Variants in ST3GAL1 observed in about 807,000 individuals in gnomAD.
ST3GAL1 encodes CMP-N-acetylneuraminate-beta-galactosamide-alpha-2,3-sialyltransferase 1.
A neutral mutation model predicts 34.1 loss-of-function variants in ST3GAL1; 16 were observed. The observed-to-expected ratio is 0.47, with a 90% CI of 0.32 to 0.71. The LOEUF is 0.71. Ranked by LOEUF, ST3GAL1 falls within the 30% of genes least tolerant of loss-of-function variation. The pLI is 0.04. For missense variants in ST3GAL1, 353 were observed against 447.4 expected, an observed-to-expected ratio of 0.79 and a Z score of 1.90; for synonymous variants, 191 against 184.7, an observed-to-expected ratio of 1.03 and a Z score of -0.28.
At chr8:133,497,830 G>T (rs974528539) in intron 3 of ST3GAL1, among the ~76,000 whole-genome samples, 13 of 152,062 alleles carry the variant, frequency 8.5e-5, no homozygotes, top group African/African-American at 3.1e-4. Context: ...ACACTTGGAG[G>T]TAACTAAGGA....
intron 1 of ST3GAL1, among the ~76,000 whole-genome samples, chr8:133,569,220 G>T (rs1031784754): frequency 1.3e-5 from 2 of 152,190 alleles, no homozygotes; most frequent in African/African-American, 4.8e-5. Context: ...AGCAAATGCC[G>T]GCCCAGAAAA....
intron 2 of ST3GAL1, among the ~76,000 whole-genome samples, chr8:133,528,013 A>C (rs935693038): frequency 6.6e-6 from 1 of 151,796 alleles, no homozygotes; most frequent in Non-Finnish European, 1.5e-5. Context: ...TCTACTGAAA[A>C]AAAAAAAAAA....
chr8:133,463,357 A>C, intron 8 of ST3GAL1, 57 bp downstream of exon 8: 1 of 1,597,656 alleles, frequency 6.3e-7, no homozygotes, highest in Non-Finnish European at 8.6e-7. Context: ...ACCTTAGAGC[A>C]GAGCCTTAGA....
At chr8:133,516,042 A>G (rs566292660) in intron 2 of ST3GAL1, 2 of 152,124 alleles carry the variant, frequency 1.3e-5, no homozygotes, top group East Asian at 3.9e-4. Context: ...TTTAATAGAG[A>G]CAGAGTTTCT....
At chr8:133,517,469 C>A (rs746819170) in intron 2 of ST3GAL1, among the ~76,000 whole-genome samples, 7 of 152,208 alleles carry the variant, frequency 4.6e-5, no homozygotes, top group Non-Finnish European at 7.3e-5. Context: ...CCTGCCTCAG[C>A]CTCCCAAGTA....
intron 2 of ST3GAL1, among the ~76,000 whole-genome samples, chr8:133,517,270 C>T (rs1243500692): frequency 2.0e-5 from 3 of 152,216 alleles, no homozygotes; most frequent in Non-Finnish European, 4.4e-5. Flanking sequence ...AGCTTTAGTC[C>T]CTGCCTTGAA....
intron 3 of ST3GAL1, among the ~76,000 whole-genome samples, chr8:133,488,874 G>GT (rs969580769): frequency 6.6e-6 from 1 of 152,006 alleles, no homozygotes; most frequent in East Asian, 1.9e-4. Context: ...AGACAGGGGG[G>GT]GCCAGGCAAG....
At position 133,476,035 on chromosome 8, in the gene ST3GAL1, C is replaced by T. The variant is rs1253036511; in HGVS notation, c.-11G>A. 1.3e-6 allele frequency: 2 copies of T among 1,549,320 alleles called. No homozygotes were observed. The highest frequency in any genetic ancestry group is 8.7e-7 in the Non-Finnish European group (1 of 1,146,728). On this transcript the variant is annotated 5_prime_UTR_variant, in exon 5 of 10. Coordinates refer to ENST00000522652, the MANE Select transcript of ST3GAL1 (RefSeq NM_173344.3). ...CCGCAGGGTCACCATCTTCGCAGTC[C>T]TGATGGTGGCCTCCCACGATGGGTA...
At chr8:133,551,538 G>C (rs928779719) in intron 1 of ST3GAL1, among the ~76,000 whole-genome samples, 1 of 90,196 alleles carries the variant, frequency 1.1e-5, no homozygotes, top group Non-Finnish European at 2.2e-5. Flanking sequence ...GAAAGAAAGA[G>C]AAGGAAAGAA....
intron 3 of ST3GAL1, among the ~76,000 whole-genome samples, chr8:133,498,647 G>A (rs1252904393): frequency 2.6e-5 from 4 of 152,216 alleles, no homozygotes; most frequent in South Asian, 2.1e-4. Flanking sequence ...CAAACCACAC[G>A]GTGTAACTAC....
chr8:133,501,365 G>A (rs1468221591), intron 2 of ST3GAL1, among the ~76,000 whole-genome samples: 2 of 152,198 alleles, frequency 1.3e-5, no homozygotes, highest in South Asian at 4.1e-4. Context: ...GGGTCATTAG[G>A]TGCTCTCTTG....
In ST3GAL1 at chr8:133,571,192, C is replaced by T. The variant is rs1196523605; in HGVS notation, c.-582+501G>A. On this transcript the variant is annotated intron_variant, in intron 1 of 9. Coordinates refer to ENST00000522652, the MANE Select transcript of ST3GAL1 (RefSeq NM_173344.3). The surrounding 1 kb of genome is among the most constrained non-coding windows in gnomAD (Gnocchi z 6.7). The stretch of plus-strand genomic sequence containing the variant: ...GCTCGTCCAGAACACTGGCGGCCTC[C>T]GCGGTGTCCCAGCCTGTGACCCCAA... Among the ~76,000 whole-genome samples, 1 of 152,208 alleles carries T rather than the reference C, an allele frequency of 6.6e-6. No homozygotes were observed. Among genetic ancestry groups the T allele is most frequent in the African/African-American group, 2.4e-5 (1 of 41,466 alleles).
chr8:133,571,097 T>C lies in ST3GAL1; in HGVS notation c.-582+596A>G, dbSNP rs960924572. 6.6e-6 allele frequency among the ~76,000 whole-genome samples: 1 copy of C among 152,180 alleles called. No individual in the cohort carries two copies. Among genetic ancestry groups the C allele is most frequent in the Admixed American group, 6.5e-5 (1 of 15,282 alleles). ...GCTCTGACGGCGTCCCCGGGGCCGA[T>C]AGCCACCTCCCGGATCTGCGCCTGC... On this transcript the variant is annotated intron_variant, in intron 1 of 9. Coordinates refer to ENST00000522652, the MANE Select transcript of ST3GAL1 (RefSeq NM_173344.3). This position sits in a 1 kb window ranked among gnomAD's most constrained non-coding sequence, Gnocchi z 6.7.
intron 2 of ST3GAL1, among the ~76,000 whole-genome samples, chr8:133,532,670 G>A (rs911062248): frequency 3.3e-5 from 5 of 152,266 alleles, no homozygotes; most frequent in African/African-American, 7.2e-5. Context: ...ACTTTGGGGC[G>A]GCTCGTGTGA....
At chr8:133,553,572 G>A (rs1229501073) in intron 1 of ST3GAL1, among the ~76,000 whole-genome samples, 1 of 152,174 alleles carries the variant, frequency 6.6e-6, no homozygotes, top group Non-Finnish European at 1.5e-5. Flanking sequence ...TTTGGTGATG[G>A]GGATAATAAA....
At chr8:133,517,028 C>T (rs1817666539) in intron 2 of ST3GAL1, among the ~76,000 whole-genome samples, 1 of 152,256 alleles carries the variant, frequency 6.6e-6, no homozygotes, top group Admixed American at 6.5e-5. Context: ...ACCTTGGCAG[C>T]TTCCTGCCCA....
At chr8:133,492,263 A>G (rs1220904636) in intron 3 of ST3GAL1, among the ~76,000 whole-genome samples, 1 of 152,126 alleles carries the variant, frequency 6.6e-6, no homozygotes, top group Admixed American at 6.5e-5. Context: ...TGTCTCCCCA[A>G]GTGCACCCCC....
At chr8:133,504,281 T>C (rs1486190074) in intron 2 of ST3GAL1, among the ~76,000 whole-genome samples, 1 of 152,240 alleles carries the variant, frequency 6.6e-6, no homozygotes, top group Non-Finnish European at 1.5e-5. Context: ...TCAGTCATCA[T>C]TCCATCGCTG....
intron 3 of ST3GAL1, among the ~76,000 whole-genome samples, chr8:133,479,475 T>A (rs946830274): frequency 3.9e-5 from 6 of 152,182 alleles, no homozygotes; most frequent in Non-Finnish European, 8.8e-5. Context: ...ATGGTCTTAC[T>A]ACATTTGCCT....
Sources: gnomAD v4.1 joint callset for allele counts (sites outside exome capture counted in the v4.1 genomes callset) on GRCh38, gnomAD v4.1.1 for gene constraint, Gnocchi (gnomAD v3.1) non-coding constraint, MANE v1.5 for transcripts, NCBI Gene and HGNC (gene_info 2026-07-23, HGNC 2026-07-21) for gene names.